FMO5: variants seen among roughly 807,000 people sequenced by gnomAD.
The protein encoded by FMO5 is flavin-containing monooxygenase 5.
FMO5 carries 51 observed loss-of-function variants against 43.6 expected under a neutral mutation model. The ratio of observed to expected loss-of-function variants is 1.17; its 90% confidence interval spans 0.93 to 1.48. The LOEUF is 1.48. Among genes scored for constraint, FMO5 ranks in the 40% most tolerant of loss-of-function variants. The pLI, the probability that FMO5 is intolerant of heterozygous loss-of-function variation, is 0.00. For missense variants in FMO5, 644 were observed against 643.0 expected, an observed-to-expected ratio of 1.00 and a Z score of -0.02; for synonymous variants, 187 against 216.5, an observed-to-expected ratio of 0.86 and a Z score of 1.20.
rs376608335 is a variant in FMO5, at chr1:147,215,883, T to C, written c.195A>G (p.Lys65=). Residue 65 remains lysine (K), a synonymous_variant, in exon 3 of 9, where the codon AAA becomes AAG. Coordinates refer to ENST00000254090, the MANE Select transcript of FMO5 (RefSeq NM_001461.4). ...GATAGTCACTGAAGCACATCATCTCTTTAGAAGTATTGATGATCACTGATT... is the reference window on the plus strand; with the variant it reads ...GATAGTCACTGAAGCACATCATCTCCTTAGAAGTATTGATGATCACTGATT... ...IYKSVIINTS[K]EMMCFSDYPI... 1 of 1,612,330 alleles carries C rather than the reference T, an allele frequency of 6.2e-7. No individual in the cohort carries two copies. The highest frequency in any genetic ancestry group is 1.3e-5 in the African/African-American group (1 of 74,870).
chr1:147,218,106 A>G (rs1662328074), intron 2 of FMO5, among the ~76,000 whole-genome samples: 1 of 152,222 alleles, frequency 6.6e-6, no homozygotes, highest in African/African-American at 2.4e-5. Context: ...TTGTCCCAAG[A>G]AAAATTTCAA....
At chr1:147,190,341 A>C in intron 7 of FMO5, 92 bp from the exon 8 acceptor site, 1 of 800,596 alleles carries the variant, frequency 1.2e-6, no homozygotes, top group South Asian at 1.6e-5. Context: ...GAATTCAAAG[A>C]AATACAGGGT....
intron 7 of FMO5, among the ~76,000 whole-genome samples, chr1:147,194,251 C>T (rs1379443694): frequency 1.3e-5 from 2 of 152,126 alleles, no homozygotes; most frequent in African/African-American, 4.8e-5. Flanking sequence ...GATCCCTTTA[C>T]CATTATTTAA....
intron 7 of FMO5, among the ~76,000 whole-genome samples, chr1:147,197,492 G>A (rs1359365789): frequency 6.6e-6 from 1 of 152,016 alleles, no homozygotes; most frequent in Non-Finnish European, 1.5e-5. Context: ...TCATGGGAGG[G>A]GCCTGGTGGG....
rs1314781142 is a variant in FMO5 at position 147,225,119 on chromosome 1, A to G, written c.-37-53T>C. 2.5e-6 allele frequency: 4 copies of G among 1,597,078 alleles called. No individual in the cohort carries two copies. In the African/African-American group the frequency reaches 4.0e-5, roughly 16 times the overall value. On this transcript the variant is annotated intron_variant, in intron 1 of 8. Transcript: ENST00000254090. ...AGCACACATCGGTTAACATTTTTCA[A>G]GGAAGACCTTGGCCGTGGCATTCGA...
At chr1:147,185,545 G>A (rs1280815438), downstream of FMO5, among the ~76,000 whole-genome samples, 1 of 152,106 alleles carries the variant, frequency 6.6e-6, no homozygotes, top group Non-Finnish European at 1.5e-5. Context: ...CGGTGAAAGG[G>A]CCGGCAATTG....
At position 147,215,808 on chromosome 1, in the gene FMO5, CT is replaced by C; in HGVS notation, c.269del (p.Glu90GlyfsTer13). 6.2e-7 allele frequency: 1 copy of C among 1,613,662 alleles called. No individual in the cohort carries two copies. The highest frequency in any genetic ancestry group is 8.5e-7 in the Non-Finnish European group (1 of 1,179,690). On this transcript the variant is annotated frameshift_variant, in exon 3 of 9. Coordinates refer to ENST00000254090, the MANE Select transcript of FMO5 (RefSeq NM_001461.4). LOFTEE classifies it high-confidence loss of function. ...ATTCTTTGGCATACATCCTGAAATA[CT>C]CCAGGACCTGGGCATTATGCATGAA... ...PNFMHNAQVLEYFRMYAKEFD... is the reference protein window; with the variant it reads ...PNFMHNAQVLXYFRMYAKEFD...
intron 6 of FMO5, 41 bp downstream of exon 6, chr1:147,208,811 G>A (rs1553923038): frequency 6.5e-7 from 1 of 1,536,524 alleles, no homozygotes; most frequent in Middle Eastern, 1.7e-4. Flanking sequence ...TTATTCTTGT[G>A]CTTTGGCCAC....
chr1:147,196,428 T>G, intron 7 of FMO5, among the ~76,000 whole-genome samples: 1 of 151,808 alleles, frequency 6.6e-6, no homozygotes, highest in East Asian at 1.9e-4. Flanking sequence ...TTCTATTAGC[T>G]AGAAACATGA....
intron 7 of FMO5, among the ~76,000 whole-genome samples, chr1:147,200,945 G>A (rs587605607): frequency 6.6e-6 from 1 of 152,250 alleles, no homozygotes; most frequent in Admixed American, 6.5e-5. Context: ...AGCATGCATA[G>A]CTTGGAAAAA....
intron 7 of FMO5, among the ~76,000 whole-genome samples, chr1:147,193,277 A>T (rs1362269627): frequency 6.6e-6 from 1 of 151,790 alleles, no homozygotes; most frequent in East Asian, 1.9e-4. Context: ...TTTCTTCTAG[A>T]TTTTCTAGTT....
rs1553927221 is a variant in FMO5, at chr1:147,224,944, G to T, written c.86C>A (p.Pro29His). ...GTCATCAGTCCTTTCAAAGCAGACA[G>T]GTTCCAAGCCTTCTTCTACGCAGCA... ...IKCCVEEGLE[P>H]VCFERTDDIG... The change falls in exon 2 of 9, where the codon CCT becomes CAT. Residue 29 changes from proline (P) to histidine (H), a missense_variant. Transcript: ENST00000254090. 1 of 1,614,064 alleles carries T rather than the reference G, an allele frequency of 6.2e-7. No homozygotes were observed. Among genetic ancestry groups the T allele is most frequent in the Non-Finnish European group, 8.5e-7 (1 of 1,180,014 alleles).
At chr1:147,226,706 A>C (rs2102141643), upstream of FMO5, among the ~76,000 whole-genome samples, 1 of 152,230 alleles carries the variant, frequency 6.6e-6, no homozygotes, top group African/African-American at 2.4e-5. Context: ...TGCTCTTCCA[A>C]TCTGCACCTG....
At chr1:147,224,599 T>G (rs930100673) in intron 2 of FMO5, among the ~76,000 whole-genome samples, 32 of 152,026 alleles carry the variant, frequency 2.1e-4, no homozygotes, top group Non-Finnish European at 3.5e-4. Context: ...AAGCTCTGCC[T>G]CCCAAGTTCA....
intron 6 of FMO5, among the ~76,000 whole-genome samples, chr1:147,205,872 T>C (rs1659917125): frequency 6.6e-6 from 1 of 152,086 alleles, no homozygotes; most frequent in Non-Finnish European, 1.5e-5. Context: ...ACTTCATGTC[T>C]AAAACACCAA....
In FMO5 at chr1:147,187,035, G is replaced by C. The variant is rs1238741658; in HGVS notation, c.1467C>G (p.Leu489=). The change falls in exon 9 of 9, where the codon CTC becomes CTG. Residue 489 remains leucine, a synonymous_variant. Coordinates refer to ENST00000254090, the MANE Select transcript of FMO5 (RefSeq NM_001461.4). The part of the protein sequence containing the change: ...GKWDGARKAI[L]TTDDRIRKPL... ...GCTTCCTGATGCGATCATCTGTGGTGAGGATAGCTTTTCGAGCCCCATCCC... is the reference window on the plus strand; with the variant it reads ...GCTTCCTGATGCGATCATCTGTGGTCAGGATAGCTTTTCGAGCCCCATCCC... The C allele has an allele frequency of 1.2e-6, 2 of 1,614,044 alleles. No homozygotes were observed. The highest frequency in any genetic ancestry group is 1.7e-5 in the Admixed American group (1 of 60,008).
At chr1:147,204,878 C>T in intron 6 of FMO5, 1 of 1,592,184 alleles carries the variant, frequency 6.3e-7, no homozygotes, top group Non-Finnish European at 8.6e-7. Context: ...AAGTGTTTCG[C>T]TCCCTCCTTG....
At position 147,186,939 on chromosome 1, in the gene FMO5, T is replaced by G. The variant is rs1553917202; in HGVS notation, c.1563A>C (p.Leu521=). The part of the protein sequence containing the change: ...TSTMTIGKFM[L]ALAFFAIIIA... ...TAATTATAGCAAAGAAGGCAAGAGC[T>G]AGCATAAACTTGCCTATTGTCATTG... Residue 521 remains leucine (L), a synonymous_variant, in exon 9 of 9, where the codon CTA becomes CTC. Coordinates refer to ENST00000254090, the MANE Select transcript of FMO5 (RefSeq NM_001461.4). 1 of 1,614,120 alleles carries G rather than the reference T, an allele frequency of 6.2e-7. No homozygotes were observed. Among genetic ancestry groups the G allele is most frequent in the South Asian group, 1.1e-5 (1 of 91,072 alleles).
At chr1:147,204,978 G>GGAGGAACCAAAGGTTTTCATGCCT (rs1553921951) in intron 6 of FMO5, 8 of 1,141,406 alleles carry the variant, frequency 7.0e-6, no homozygotes, top group Non-Finnish European at 1.1e-5. Flanking sequence ...AGAAGACCGC[G>GGAGGAACCAAAGGTTTTCATGCCT]GAGGAACCAA....
Sources: allele counts gnomAD v4.1 joint callset (sites outside exome capture counted in the v4.1 genomes callset), GRCh38; gene constraint gnomAD v4.1.1; transcripts MANE v1.5; gene names NCBI Gene and HGNC (gene_info 2026-07-23, HGNC 2026-07-21).